Variants in MYOF observed in about 807,000 individuals in gnomAD.
MYOF encodes fer-1-like 3, myoferlin.
Under a neutral mutation model 284.2 loss-of-function variants are expected in MYOF, and 244 were observed. The observed-to-expected ratio is 0.86, with a 90% CI of 0.77 to 0.95. MYOF has a LOEUF of 0.95. Ranked by LOEUF, MYOF falls within the 40% of genes least tolerant of loss-of-function variation. The probability of loss-of-function intolerance (pLI) is 0.00; values close to 1 mark genes in which losing one functional copy is unlikely to be tolerated. For synonymous variants in MYOF, 904 were observed against 919.7 expected (o/e 0.98, Z 0.31); for missense variants, 2,496 against 2,560.6 (o/e 0.97, Z 0.54).
intron 16 of MYOF, among the ~76,000 whole-genome samples, chr10:93,394,402 A>G (rs1462300825): frequency 7.1e-6 from 1 of 140,634 alleles, no homozygotes; most frequent in East Asian, 2.2e-4. Flanking sequence ...GCGCCCAGCC[A>G]TGTACATTTA....
intron 52 of MYOF, 137 bp downstream of exon 52, chr10:93,310,397 T>G: frequency 9.9e-7 from 1 of 1,013,252 alleles, no homozygotes; most frequent in Non-Finnish European, 1.4e-6. Context: ...ATCACCAACC[T>G]CTCCACCCCC....
In MYOF at chr10:93,379,917, A is replaced by C; in HGVS notation, c.1947T>G (p.Asp649Glu). The change falls in exon 21 of 54, where the codon GAT (aspartate) becomes GAG (glutamate). Residue 649 changes from aspartate (D) to glutamate (E), a missense_variant. This residue lies in a region of MYOF where 2,436 missense variants were observed against 2,480.7 expected (regional missense o/e 0.98). Transcript: ENST00000359263. ...PVVTLTSYWEDISHRLDAVNT... is the reference protein window; with the variant it reads ...PVVTLTSYWEEISHRLDAVNT... ...TCACCGCATCCAGGCGATGACTAAT[A>C]TCCTCCCAGTATGAAGTCAGGGTAA... 1 of 1,614,132 alleles carries C rather than the reference A, an allele frequency of 6.2e-7. No homozygotes were observed. The highest frequency in any genetic ancestry group is 1.3e-5 in the African/African-American group (1 of 75,050).
intron 19 of MYOF, among the ~76,000 whole-genome samples, chr10:93,381,656 T>A (rs141427641): frequency 6.6e-6 from 1 of 152,334 alleles, no homozygotes; most frequent in East Asian, 1.9e-4. Flanking sequence ...AGACCACTTG[T>A]TAAACAAGTT....
intron 24 of MYOF, among the ~76,000 whole-genome samples, chr10:93,371,170 TAA>T (rs1277824665): frequency 2.6e-5 from 4 of 152,214 alleles, no homozygotes; most frequent in African/African-American, 9.6e-5. Context: ...CATGCATGAA[TAA>T]AAGAGTCATT....
chr10:93,384,057 C>A (rs896011382), intron 19 of MYOF, among the ~76,000 whole-genome samples: 49 of 152,170 alleles, frequency 3.2e-4, no homozygotes, highest in Non-Finnish European at 5.9e-5. Context: ...CAGCACAATT[C>A]CCAACAGAGA....
intron 24 of MYOF, among the ~76,000 whole-genome samples, chr10:93,371,542 G>A (rs1401426071): frequency 1.3e-5 from 2 of 152,172 alleles, no homozygotes; most frequent in Non-Finnish European, 2.9e-5. Context: ...TACACAAAAT[G>A]TATTTTGTAA....
chr10:93,356,621 T>G, intron 30 of MYOF, 54 bp downstream of exon 30: 2 of 1,556,098 alleles, frequency 1.3e-6, no homozygotes, highest in Non-Finnish European at 1.7e-6. Flanking sequence ...TATCCAACAC[T>G]CATATATTTT....
intron 17 of MYOF, 107 bp downstream of exon 17, chr10:93,392,810 G>A (rs1177197037): frequency 3.9e-6 from 4 of 1,024,522 alleles, no homozygotes; most frequent in Admixed American, 4.1e-5. Flanking sequence ...AAACTATGTT[G>A]AGACAGCAAA....
intron 15 of MYOF, chr10:93,397,035 G>T: frequency 4.4e-6 from 2 of 459,204 alleles, no homozygotes; most frequent in South Asian, 3.9e-5. Context: ...CCCTTCTTTT[G>T]TTTATGAGCA....
chr10:93,371,525 G>T (rs1233876337), intron 24 of MYOF, among the ~76,000 whole-genome samples: 1 of 152,090 alleles, frequency 6.6e-6, no homozygotes, highest in Non-Finnish European at 1.5e-5. Flanking sequence ...TCTGCTTTCT[G>T]ATTTTTTACA....
rs1346655392 is a variant in MYOF at position 93,338,063 on chromosome 10, G to GAC, written c.4339-152_4339-151dup. Reference sequence around the variant, plus strand: ...ATGACTTTTGTTTACATGCACAATGGACAAAGCATTCACGACTCTCCTACT... The same window carrying GAC: ...ATGACTTTTGTTTACATGCACAATGGACACAAAGCATTCACGACTCTCCTACT... On this transcript the variant is annotated intron_variant, in intron 39 of 53. Transcript: ENST00000359263. The GAC allele has an allele frequency of 1.7e-5, 11 of 640,296 alleles. 1 individual carries two copies. The highest frequency in any genetic ancestry group is 3.0e-5 in the Non-Finnish European group (11 of 364,646). The allele number at this position is 640,296 out of a possible 1,614,324, so 39.7% of individuals were successfully genotyped here.
At chr10:93,329,609 C>A in intron 44 of MYOF, 55 bp downstream of exon 44, 1 of 1,595,096 alleles carries the variant, frequency 6.3e-7, no homozygotes, top group East Asian at 2.2e-5. Context: ...TAGGCCTCCC[C>A]AGGTGCCAAT....
At chr10:93,399,113 G>A (rs1392067466) in intron 13 of MYOF, among the ~76,000 whole-genome samples, 13 of 152,120 alleles carry the variant, frequency 8.5e-5, no homozygotes, top group African/African-American at 2.9e-4. Context: ...ATAACGTTTG[G>A]ACCTGAAAAG....
intron 1 of MYOF, among the ~76,000 whole-genome samples, chr10:93,460,160 G>A (rs934422376): frequency 5.9e-4 from 90 of 152,296 alleles, no homozygotes; most frequent in African/African-American, 2.0e-3. Flanking sequence ...AGGGAGCCAA[G>A]GCAGGGACAA....
intron 40 of MYOF, among the ~76,000 whole-genome samples, chr10:93,337,130 T>TG (rs142308867): frequency 0.051 from 7,441 of 146,102 alleles, 289 homozygotes; most frequent in Middle Eastern, 0.084. Flanking sequence ...TGAAAAGGTG[T>TG]GGGTTTTTTT....
chr10:93,385,332 T>C (rs1198939945), intron 19 of MYOF, among the ~76,000 whole-genome samples: 1 of 152,254 alleles, frequency 6.6e-6, no homozygotes, highest in Non-Finnish European at 1.5e-5. Context: ...CCTCCTGCAC[T>C]GCAGCCTCTC....
chr10:93,307,693 C>T (rs1589363408), intron 53 of MYOF, among the ~76,000 whole-genome samples: 1 of 150,862 alleles, frequency 6.6e-6, no homozygotes, highest in East Asian at 2.0e-4. Context: ...GGCGTGATCT[C>T]CAGTCACTGC....
intron 5 of MYOF, among the ~76,000 whole-genome samples, chr10:93,416,480 G>A (rs994210076): frequency 3.3e-5 from 5 of 151,956 alleles, no homozygotes; most frequent in African/African-American, 9.6e-5. Flanking sequence ...CCGAGATCGC[G>A]CCACTGCACT....
chr10:93,323,942 CAA>C (rs1445851263), intron 46 of MYOF, among the ~76,000 whole-genome samples: 7 of 152,204 alleles, frequency 4.6e-5, no homozygotes, highest in South Asian at 2.1e-4. Context: ...ATGGCATTTT[CAA>C]AAGAGGAGCT....
Sources: allele counts gnomAD v4.1 joint callset (sites outside exome capture counted in the v4.1 genomes callset), GRCh38; gene constraint gnomAD v4.1.1; regional missense constraint gnomAD v4.1.1; transcripts MANE v1.5; gene names NCBI Gene and HGNC (gene_info 2026-07-23, HGNC 2026-07-21).